The following GALNT10 variants were observed in gnomAD, a reference collection of about 807,000 sequenced individuals.
GALNT10 encodes the protein polypeptide N-acetylgalactosaminyltransferase 10.
GALNT10 carries 41 observed loss-of-function variants against 75.0 expected under a neutral mutation model. That is an observed-to-expected ratio of 0.55 (90% confidence interval 0.43 to 0.71). The LOEUF (loss-of-function observed/expected upper bound fraction) is 0.71, where lower values mean the gene tolerates loss of function less well. Ranked by LOEUF, GALNT10 falls within the 30% of genes least tolerant of loss-of-function variation. GALNT10 has a pLI of 0.00. For missense variants in GALNT10, 727 were observed against 818.5 expected (o/e 0.89, Z 1.36); for synonymous variants, 302 against 313.0 (o/e 0.96, Z 0.37).
At chr5:154,415,678 T>G in intron 10 of GALNT10, 105 bp from the exon 11 acceptor site, 1 of 1,071,916 alleles carries the variant, frequency 9.3e-7, no homozygotes, top group Non-Finnish European at 1.4e-6. Context: ...TAATATATTA[T>G]TATTTGGACC....
In GALNT10 at chr5:154,404,270, C is replaced by T. The variant is rs1370869342; in HGVS notation, c.1164+59C>T. The T allele has an allele frequency of 8.7e-6, 8 of 923,554 alleles. No homozygotes were observed. In the Admixed American group the frequency reaches 2.1e-4, roughly 24 times the overall value. 57.2% of individuals were successfully genotyped at this position (923,554 alleles called of 1,614,324 possible). A position where few individuals can be genotyped will look rare whatever the true frequency, so the allele number is the denominator to read the frequency against. The stretch of plus-strand genomic sequence containing the variant: ...GGTTGGCCTAGGACCATCAGCTGCA[C>T]TGAGGCACCCTGGGGCCCTAGACTG... On this transcript the variant is annotated intron_variant, in intron 8 of 11. Coordinates refer to ENST00000297107, the MANE Select transcript of GALNT10 (RefSeq NM_198321.4).
At chr5:154,405,370 A>G (rs1756256440) in intron 8 of GALNT10, among the ~76,000 whole-genome samples, 1 of 152,036 alleles carries the variant, frequency 6.6e-6, no homozygotes. Flanking sequence ...GGGAAAGGAG[A>G]GCCGGCAGTG....
chr5:154,310,443 TTTTTTTTTTG>T (rs1225766127), intron 3 of GALNT10, among the ~76,000 whole-genome samples: 52 of 12,704 alleles, frequency 4.1e-3, no homozygotes, highest in Admixed American at 0.016. Flanking sequence ...TTTTTTTTGT[TTTTTTTTTTG>T]TTTGTTTGTT....
intron 1 of GALNT10, among the ~76,000 whole-genome samples, chr5:154,281,122 G>T (rs973655477): frequency 6.6e-5 from 10 of 152,164 alleles, no homozygotes; most frequent in African/African-American, 2.4e-4. Flanking sequence ...TTTCTATAAA[G>T]AGTAACTTGA....
At chr5:154,209,304 C>T (rs933597358) in intron 1 of GALNT10, among the ~76,000 whole-genome samples, 2 of 152,216 alleles carry the variant, frequency 1.3e-5, no homozygotes, top group African/African-American at 4.8e-5. Context: ...TCTCCAGCAT[C>T]TTCTACTAAC....
chr5:154,344,204 TC>T (rs1291448812), intron 4 of GALNT10, among the ~76,000 whole-genome samples: 218 of 86,564 alleles, frequency 2.5e-3, no homozygotes, highest in South Asian at 1.0e-2. Flanking sequence ...TTTCTTTCTT[TC>T]TTTCTTTTTT....
At chr5:154,196,924 TC>T (rs1384070419) in intron 1 of GALNT10, among the ~76,000 whole-genome samples, 9 of 152,212 alleles carry the variant, frequency 5.9e-5, no homozygotes, top group Non-Finnish European at 1.2e-4. Context: ...CCCACAAATA[TC>T]CACTCCAGAG....
chr5:154,290,927 C>T (rs550651788), intron 1 of GALNT10, among the ~76,000 whole-genome samples: 4 of 152,270 alleles, frequency 2.6e-5, no homozygotes, highest in Middle Eastern at 6.8e-3. Flanking sequence ...CTAGCAGCTG[C>T]GTGCTTAGAC....
intron 1 of GALNT10, among the ~76,000 whole-genome samples, chr5:154,246,160 A>T (rs1305236078): frequency 1.3e-5 from 2 of 151,894 alleles, no homozygotes; most frequent in Non-Finnish European, 2.9e-5. Flanking sequence ...TTGGCTGCAT[A>T]GTATTCCATG....
rs1448575084 is a variant in GALNT10, at chr5:154,225,052, C to T, written c.159+34027C>T. On this transcript the variant is annotated intron_variant, in intron 1 of 11. Coordinates refer to ENST00000297107, the MANE Select transcript of GALNT10 (RefSeq NM_198321.4). ...CCACCTCAGCCTCCCAAAGTGCTGG[C>T]ATTACAGGCGTGAGCCACCACACCT... 4.7e-5 allele frequency among the ~76,000 whole-genome samples: 7 copies of T among 150,366 alleles called. No homozygotes were observed. The South Asian group carries it at 8.5e-4, about 18-fold the overall frequency.
At chr5:154,330,161 T>C (rs1409528613) in intron 4 of GALNT10, among the ~76,000 whole-genome samples, 2 of 152,188 alleles carry the variant, frequency 1.3e-5, no homozygotes, top group Non-Finnish European at 2.9e-5. Context: ...GGTCACAAAA[T>C]GGTACCTCTG....
intron 7 of GALNT10, among the ~76,000 whole-genome samples, chr5:154,401,826 C>T (rs1242500842): frequency 3.3e-5 from 5 of 152,142 alleles, no homozygotes; most frequent in Admixed American, 3.3e-4. Context: ...AGATGTGAAG[C>T]CCAATCCCCA....
At chr5:154,345,785 A>G (rs1301163006) in intron 4 of GALNT10, among the ~76,000 whole-genome samples, 1 of 147,666 alleles carries the variant, frequency 6.8e-6, no homozygotes, top group Non-Finnish European at 1.5e-5. Flanking sequence ...ACAGGCCTGC[A>G]CCACTACACC....
At chr5:154,330,497 TGTA>T (rs1754839344) in intron 4 of GALNT10, among the ~76,000 whole-genome samples, 1 of 152,210 alleles carries the variant, frequency 6.6e-6, no homozygotes, top group African/African-American at 2.4e-5. Flanking sequence ...ACAGCTCTCA[TGTA>T]GTCATGTGGT....
intron 3 of GALNT10, among the ~76,000 whole-genome samples, chr5:154,321,312 T>TTA (rs1366556500): frequency 1.3e-5 from 2 of 150,838 alleles, no homozygotes; most frequent in African/African-American, 4.9e-5. Flanking sequence ...CCTCAAAACT[T>TTA]TTTTTTTTTC....
chr5:154,216,790 C>T (rs926435325), intron 1 of GALNT10, among the ~76,000 whole-genome samples: 14 of 152,078 alleles, frequency 9.2e-5, no homozygotes, highest in Admixed American at 3.9e-4. Context: ...ATAACAAGAT[C>T]GTATTTGCAC....
At chr5:154,303,662 A>G (rs1754391584) in intron 3 of GALNT10, among the ~76,000 whole-genome samples, 3 of 152,240 alleles carry the variant, frequency 2.0e-5, no homozygotes, top group South Asian at 4.1e-4. Flanking sequence ...GCCCTAGACT[A>G]AACAGTGCTC....
intron 4 of GALNT10, among the ~76,000 whole-genome samples, chr5:154,373,234 C>T (rs1335728204): frequency 2.6e-5 from 4 of 152,112 alleles, no homozygotes; most frequent in Admixed American, 6.5e-5. Context: ...ATGAAGCTGG[C>T]GTAAATCTGA....
At chr5:154,371,260 A>T (rs1755558283) in intron 4 of GALNT10, among the ~76,000 whole-genome samples, 1 of 152,124 alleles carries the variant, frequency 6.6e-6, no homozygotes, top group African/African-American at 2.4e-5. Flanking sequence ...CAGCCATTGG[A>T]TGAGTGCCCA....
Sources: gnomAD v4.1 joint callset for allele counts (sites outside exome capture counted in the v4.1 genomes callset) on GRCh38, gnomAD v4.1.1 for gene constraint, MANE v1.5 for transcripts, NCBI Gene and HGNC (gene_info 2026-07-23, HGNC 2026-07-21) for gene names.